The following DGLUCY variants were observed in gnomAD, a reference collection of about 807,000 sequenced individuals.
DGLUCY encodes D-glutamate cyclase, mitochondrial.
Under a neutral mutation model 58.5 loss-of-function variants are expected in DGLUCY, and 58 were observed. The ratio of observed to expected loss-of-function variants is 0.99; its 90% CI spans 0.80 to 1.23. The LOEUF (loss-of-function observed/expected upper bound fraction) is 1.23, where lower values mean the gene tolerates loss of function less well. Ranked by LOEUF, DGLUCY falls within the 50% of genes most tolerant of loss-of-function variation. The pLI is 0.00. For synonymous variants in DGLUCY, 325 were observed against 314.1 expected (o/e 1.03, Z -0.37); for missense variants, 779 against 784.7 (o/e 0.99, Z 0.09).
At chr14:91,192,365 T>C (rs746244091) in intron 9 of DGLUCY, among the ~76,000 whole-genome samples, 1 of 152,100 alleles carries the variant, frequency 6.6e-6, no homozygotes, top group Non-Finnish European at 1.5e-5. Flanking sequence ...GGGAGTTGTT[T>C]ATAGGTACAG....
intron 1 of DGLUCY, among the ~76,000 whole-genome samples, chr14:91,071,924 T>C (rs2043927429): frequency 6.6e-6 from 1 of 151,628 alleles, no homozygotes; most frequent in Admixed American, 6.6e-5. Flanking sequence ...GTGAACATAA[T>C]TATACACCTA....
chr14:91,173,431 G>A lies in DGLUCY; in HGVS notation c.599G>A (p.Gly200Asp). ...GAGCAGGGGCAACCTGTTCACATGG[G>A]CGACCCAGGTCAGTGTCTCTCGCTC... ...GGEQGQPVHM[G>D]DPELLGIKEL... Residue 200 changes from glycine to aspartate, a missense_variant, in exon 6 of 14, where the codon GGC becomes GAC. Transcript: ENST00000256324. The A allele has an allele frequency of 6.2e-7, 1 of 1,603,424 alleles. No homozygotes were observed. The highest frequency in any genetic ancestry group is 1.1e-5 in the South Asian group (1 of 89,374).
intron 12 of DGLUCY, among the ~76,000 whole-genome samples, chr14:91,208,456 C>T (rs764091771): frequency 1.1e-4 from 16 of 152,104 alleles, no homozygotes; most frequent in Admixed American, 5.2e-4. Flanking sequence ...GTAGAAGTGA[C>T]CCAAATGACA....
At chr14:91,077,932 C>A (rs997794873) in intron 1 of DGLUCY, among the ~76,000 whole-genome samples, 5 of 141,626 alleles carry the variant, frequency 3.5e-5, no homozygotes, top group African/African-American at 1.1e-4. Context: ...AAATAATTTT[C>A]TTTTCATAGC....
At chr14:91,139,306 T>C (rs1372354837) in intron 1 of DGLUCY, among the ~76,000 whole-genome samples, 1 of 152,182 alleles carries the variant, frequency 6.6e-6, no homozygotes, top group Non-Finnish European at 1.5e-5. Flanking sequence ...TGATGACCAC[T>C]GCCATTGGTA....
chr14:91,156,116 C>CTT (rs765375231), intron 1 of DGLUCY, among the ~76,000 whole-genome samples: 2 of 142,024 alleles, frequency 1.4e-5, no homozygotes, highest in African/African-American at 2.6e-5. Context: ...TAGCCTCATT[C>CTT]TTTTTTTTTT....
intron 1 of DGLUCY, among the ~76,000 whole-genome samples, chr14:91,086,331 C>G (rs1234745040): frequency 5.3e-5 from 8 of 152,170 alleles, no homozygotes; most frequent in African/African-American, 1.7e-4. Context: ...GACCCCCTGC[C>G]TGGTCCATGG....
intron 1 of DGLUCY, among the ~76,000 whole-genome samples, chr14:91,097,902 C>G (rs1393116889): frequency 6.6e-6 from 1 of 152,198 alleles, no homozygotes; most frequent in Non-Finnish European, 1.5e-5. Flanking sequence ...TATGATGTCA[C>G]TTGTATCCAG....
intron 1 of DGLUCY, among the ~76,000 whole-genome samples, chr14:91,122,696 G>A (rs1244932330): frequency 7.5e-5 from 10 of 133,300 alleles, no homozygotes; most frequent in African/African-American, 1.8e-4. Flanking sequence ...TCCACCTCCC[G>A]GGTTCAAGTG....
chr14:91,176,003 T>C lies in DGLUCY; in HGVS notation c.677T>C (p.Val226Ala). ...GCCATGGTGTGTCCCCCAGGGGAGG[T>C]TCCAGTGTTCTGGCCTTCTCCGCTG... ...GDAMVCPPGE[V>A]PVFWPSPLTS... The change falls in exon 7 of 14, where the codon GTT becomes GCT. Residue 226 changes from valine to alanine, a missense_variant. Val to Ala is a moderately conservative substitution (Grantham distance 64). Coordinates refer to ENST00000256324, the MANE Select transcript of DGLUCY (RefSeq NM_001102368.3). 1 of 1,613,968 alleles carries C rather than the reference T, an allele frequency of 6.2e-7. No individual in the cohort carries two copies. The highest frequency in any genetic ancestry group is 2.2e-5 in the East Asian group (1 of 44,872).
intron 1 of DGLUCY, among the ~76,000 whole-genome samples, chr14:91,127,786 G>C (rs2045793486): frequency 6.6e-6 from 1 of 152,194 alleles, no homozygotes; most frequent in Non-Finnish European, 1.5e-5. Context: ...ACTTGCCCCA[G>C]GCAGAAAGAG....
chr14:91,216,103 T>TG (rs1184223596), intron 13 of DGLUCY: 2 of 223,494 alleles, frequency 8.9e-6, no homozygotes, highest in East Asian at 1.1e-4. Flanking sequence ...GCGGGAGGAA[T>TG]GGGGGGAGCA....
intron 1 of DGLUCY, among the ~76,000 whole-genome samples, chr14:91,123,950 T>A (rs1487398035): frequency 6.8e-6 from 1 of 147,558 alleles, no homozygotes; most frequent in Non-Finnish European, 1.5e-5. Context: ...TTTTTTGAGA[T>A]GGAGTCTCAC....
chr14:91,204,600 C>G, intron 11 of DGLUCY, 106 bp from the exon 12 acceptor site: 1 of 1,455,514 alleles, frequency 6.9e-7, no homozygotes, highest in Non-Finnish European at 9.3e-7. Context: ...CAGAGCCAAC[C>G]TTTTTGCCCT....
intron 1 of DGLUCY, among the ~76,000 whole-genome samples, chr14:91,136,155 G>A (rs1252954436): frequency 1.3e-5 from 2 of 151,338 alleles, no homozygotes; most frequent in East Asian, 2.0e-4. Context: ...GGTTGGTCTC[G>A]ATTTCCTGAC....
In DGLUCY at chr14:91,141,780, ACCTCAGGTGATTCGCCCG is replaced by A. The variant is rs968466991; in HGVS notation, c.-81-15852_-81-15835del. Among the ~76,000 whole-genome samples, 15 of 151,214 alleles carry A rather than the reference ACCTCAGGTGATTCGCCCG, an allele frequency of 9.9e-5. 1 individual carries two copies. The highest frequency in any genetic ancestry group is 7.9e-4 in the Admixed American group (12 of 15,186). On this transcript the variant is annotated intron_variant, in intron 1 of 13. Transcript: ENST00000256324. ...TGGTCAGGCTGGTCTTGAACTCCCG[ACCTCAGGTGATTCGCCCG>A]CCTCAGCCTCCCAAAGTACGGGGAT...
chr14:91,184,183 G>A (rs942264258), intron 8 of DGLUCY, among the ~76,000 whole-genome samples: 1 of 152,068 alleles, frequency 6.6e-6, no homozygotes, highest in African/African-American at 2.4e-5. Flanking sequence ...TCCAGCACCA[G>A]TTTAAAGCCT....
At position 91,181,193 on chromosome 14, in the gene DGLUCY, A is replaced by C; in HGVS notation, c.738A>C (p.Pro246=). 1 of 1,614,072 alleles carries C rather than the reference A, an allele frequency of 6.2e-7. No homozygotes were observed. The highest frequency in any genetic ancestry group is 1.7e-5 in the Admixed American group (1 of 60,002). The part of the protein sequence containing the change: ...SLGAVSSCET[P]LAFASIPGCT... Reference sequence around the variant, plus strand: ...TCCTGCTGTGTGTTTTAGAGACCCCACTGGCTTTTGCCAGCATCCCAGGCT... The same window carrying C: ...TCCTGCTGTGTGTTTTAGAGACCCCCCTGGCTTTTGCCAGCATCCCAGGCT... Residue 246 remains proline (P), a synonymous_variant, in exon 8 of 14, where the codon CCA becomes CCC. Transcript: ENST00000256324.
chr14:91,115,157 G>T (rs1006391678), intron 1 of DGLUCY: 3 of 152,712 alleles, frequency 2.0e-5, no homozygotes, highest in Non-Finnish European at 4.4e-5. Context: ...TTGAGATTAT[G>T]TTGGCAGGAA....
Sources: allele counts gnomAD v4.1 joint callset (sites outside exome capture counted in the v4.1 genomes callset), GRCh38; gene constraint gnomAD v4.1.1; transcripts MANE v1.5; gene names NCBI Gene and HGNC (gene_info 2026-07-23, HGNC 2026-07-21).